DENND2B: variants seen among roughly 807,000 people sequenced by gnomAD.
DENND2B encodes the protein DENN domain containing 2B.
A neutral mutation model predicts 116.0 loss-of-function variants in DENND2B; 32 were observed. The ratio of observed to expected loss-of-function variants is 0.28; its 90% confidence interval spans 0.21 to 0.37. The LOEUF (loss-of-function observed/expected upper bound fraction) is 0.37. Ranked by LOEUF, DENND2B falls within the 10% of genes least tolerant of loss-of-function variation. The pLI is 1.00. For synonymous variants in DENND2B, 588 were observed against 583.9 expected, an observed-to-expected ratio of 1.01 and a Z score of -0.10; for missense variants, 1,276 against 1,477.7, an observed-to-expected ratio of 0.86 and a Z score of 2.24.
intron 1 of DENND2B, among the ~76,000 whole-genome samples, chr11:8,774,875 T>A (rs910144122): frequency 6.0e-5 from 9 of 150,994 alleles, no homozygotes; most frequent in East Asian, 1.9e-4. Context: ...TTTTTTTTTT[T>A]AATTATTATT....
At chr11:8,696,706 G>T (rs1417018820) in intron 17 of DENND2B, 40 bp from the exon 18 acceptor site, 1 of 1,603,230 alleles carries the variant, frequency 6.2e-7, no homozygotes, top group Non-Finnish European at 8.5e-7. Context: ...CAGGTCAAGA[G>T]CCTGCAAAGC....
rs1051692418 is a variant in DENND2B, at chr11:8,780,814, A to G, written c.-26+29703T>C. Among the ~76,000 whole-genome samples the G allele has an allele frequency of 5.9e-5, 9 of 152,326 alleles. 1 individual carries two copies. Among genetic ancestry groups the G allele is most frequent in the Admixed American group, 2.6e-4 (4 of 15,306 alleles). ...AAGTGGTCCACGAGGGCTAATGATCACAGGAGGGACAAGGGAGAGAGAGAA... is the reference window on the plus strand; with the variant it reads ...AAGTGGTCCACGAGGGCTAATGATCGCAGGAGGGACAAGGGAGAGAGAGAA... On this transcript the variant is annotated intron_variant, in intron 1 of 19. Coordinates refer to ENST00000313726, the MANE Select transcript of DENND2B (RefSeq NM_213618.2).
intron 13 of DENND2B, among the ~76,000 whole-genome samples, chr11:8,704,103 C>G (rs369573800): frequency 6.6e-6 from 1 of 152,230 alleles, no homozygotes; most frequent in East Asian, 1.9e-4. Flanking sequence ...TGCTCCCACT[C>G]CCGGCCTTGT....
chr11:8,740,315 A>G (rs2049976853), intron 2 of DENND2B, among the ~76,000 whole-genome samples: 1 of 152,236 alleles, frequency 6.6e-6, no homozygotes, highest in African/African-American at 2.4e-5. Context: ...ACTGTCTCAC[A>G]GGAACACGCC....
chr11:8,823,708 C>T (rs1210430559), intron 4 of DENND2B, among the ~76,000 whole-genome samples: 2 of 152,142 alleles, frequency 1.3e-5, no homozygotes, highest in Non-Finnish European at 2.9e-5. Context: ...GCCTCCCAGA[C>T]ATGTGGAACT....
At position 8,717,849 on chromosome 11, in the gene DENND2B, C is replaced by T; in HGVS notation, c.1521G>A (p.Lys507=). 1 of 1,613,364 alleles carries T rather than the reference C, an allele frequency of 6.2e-7. No homozygotes were observed. Among genetic ancestry groups the T allele is most frequent in the Non-Finnish European group, 8.5e-7 (1 of 1,179,584 alleles). ...GGGATTTTCGTCCTGCTCTTCGGCTCTTTAAGTCCACATCCTCATATGGAT... is the reference window on the plus strand; with the variant it reads ...GGGATTTTCGTCCTGCTCTTCGGCTTTTTAAGTCCACATCCTCATATGGAT... ...KENPYEDVDL[K]SRRAGRKSQQ... Residue 507 remains lysine, a synonymous_variant, in exon 5 of 20, where the codon AAG becomes AAA. Coordinates refer to ENST00000313726, the MANE Select transcript of DENND2B (RefSeq NM_213618.2).
chr11:8,718,399 A>C, intron 4 of DENND2B: 2 of 1,533,264 alleles, frequency 1.3e-6, no homozygotes, highest in Non-Finnish European at 1.7e-6. Flanking sequence ...AACCGTAGGG[A>C]GCAGGGCTTC....
chr11:8,909,969 G>A (rs1003412131), intron 1 of DENND2B: 2 of 152,160 alleles, frequency 1.3e-5, no homozygotes, highest in African/African-American at 2.4e-5. Context: ...GTGAGAGCCT[G>A]GGCTGTATCT....
chr11:8,761,111 T>C (rs1394396677), intron 1 of DENND2B, among the ~76,000 whole-genome samples: 3 of 152,246 alleles, frequency 2.0e-5, no homozygotes, highest in Non-Finnish European at 2.9e-5. Context: ...TCCACTTCAG[T>C]GCAGATCCTG....
rs945911023 is a variant in DENND2B at position 8,898,205 on chromosome 11, CA to C, written c.-256+12615del. Reference sequence around the variant, plus strand: ...TAGCTGACCACTAGCTATGTTGACCCAGGGGCAATTCCTAGGAAAGAGATTT... The same window carrying C: ...TAGCTGACCACTAGCTATGTTGACCCGGGGCAATTCCTAGGAAAGAGATTT... On this transcript the variant is annotated intron_variant, in intron 1 of 22. Transcript: ENST00000534127. 4.7e-4 allele frequency among the ~76,000 whole-genome samples: 71 copies of C among 152,228 alleles called. 1 individual carries two copies. Among genetic ancestry groups the C allele is most frequent in the African/African-American group, 1.6e-3 (68 of 41,526 alleles).
At chr11:8,802,752 A>G (rs1317032334) in intron 1 of DENND2B, among the ~76,000 whole-genome samples, 2 of 152,216 alleles carry the variant, frequency 1.3e-5, no homozygotes, top group Non-Finnish European at 2.9e-5. Flanking sequence ...GACCTGGTCT[A>G]AGGCTACAGA....
At chr11:8,903,492 A>G (rs1382594758) in intron 1 of DENND2B, among the ~76,000 whole-genome samples, 7 of 146,600 alleles carry the variant, frequency 4.8e-5, no homozygotes, top group Admixed American at 6.8e-5. Context: ...AAAAAAAAAA[A>G]GCAAGAGAGA....
At chr11:8,800,235 T>C (rs2060199242) in intron 1 of DENND2B, among the ~76,000 whole-genome samples, 1 of 152,176 alleles carries the variant, frequency 6.6e-6, no homozygotes, top group Non-Finnish European at 1.5e-5. Context: ...ATTATAAGTG[T>C]GAGCCATTGC....
At chr11:8,761,543 CA>C (rs1462039401) in intron 1 of DENND2B, among the ~76,000 whole-genome samples, 1 of 152,198 alleles carries the variant, frequency 6.6e-6, no homozygotes, top group Non-Finnish European at 1.5e-5. Context: ...CTGCACATGC[CA>C]GGAATGTTCA....
chr11:8,724,252 C>T (rs1294487004), intron 4 of DENND2B, among the ~76,000 whole-genome samples: 4 of 151,616 alleles, frequency 2.6e-5, no homozygotes, highest in Non-Finnish European at 5.9e-5. Flanking sequence ...GCCGAGATCG[C>T]ACCACTGCAC....
In DENND2B at chr11:8,712,422, G is replaced by A. The variant is rs147779319; in HGVS notation, c.2172+129C>T. 1,056 of 1,083,032 alleles carry A rather than the reference G, an allele frequency of 9.8e-4. 6 individuals are homozygous for A. In the African/African-American group the frequency reaches 0.015, roughly 15 times the overall value. 67.1% of individuals were successfully genotyped at this position (1,083,032 alleles called of 1,614,324 possible). ...CTTCCCTCCTGGCTGAGAGGAGGCA[G>A]GTTCAGGGCTGTGGCAGCTCGGTGA... On this transcript the variant is annotated intron_variant, in intron 9 of 19. Coordinates refer to ENST00000313726, the MANE Select transcript of DENND2B (RefSeq NM_213618.2). The surrounding 1 kb of genome is among the most constrained non-coding windows in gnomAD (Gnocchi z 4.4).
chr11:8,835,027 A>G (rs964793980), intron 4 of DENND2B, among the ~76,000 whole-genome samples: 3 of 152,152 alleles, frequency 2.0e-5, no homozygotes, highest in African/African-American at 7.2e-5. Flanking sequence ...GGGCGGATCA[A>G]TTGAGCCCAG....
In DENND2B at chr11:8,717,970, A is replaced by G. The variant is rs1305823326; in HGVS notation, c.1478-78T>C. On this transcript the variant is annotated intron_variant, in intron 4 of 19. Transcript: ENST00000313726. ...GAACTCACACACACACAAATAAACA[A>G]GCAGAATTCCTGTGAACCAAAGAGA... The G allele has an allele frequency of 3.3e-6, 5 of 1,524,830 alleles. No homozygotes were observed. In the African/African-American group the frequency reaches 4.2e-5, roughly 13 times the overall value. The allele number at this position is 1,524,830 out of a possible 1,614,324, so 94.5% of individuals were successfully genotyped here.
chr11:8,910,709 A>AGTGTATGT (rs1555224248), intron 1 of DENND2B: 1 of 72,356 alleles, frequency 1.4e-5, no homozygotes, highest in Non-Finnish European at 2.8e-5. Context: ...ACTCCTGGCT[A>AGTGTATGT]GTGTGTGTGT....
Sources: allele counts gnomAD v4.1 joint callset (sites outside exome capture counted in the v4.1 genomes callset), GRCh38; gene constraint gnomAD v4.1.1; non-coding constraint Gnocchi (gnomAD v3.1); transcripts MANE v1.5; gene names NCBI Gene and HGNC (gene_info 2026-07-23, HGNC 2026-07-21).